The following NRXN3 variants were observed in gnomAD, a reference collection of about 807,000 sequenced individuals.
The protein encoded by NRXN3 is neurexin 3.
NRXN3 carries 32 observed loss-of-function variants against 137.6 expected under a neutral mutation model. The ratio of observed to expected loss-of-function variants is 0.23; its 90% CI spans 0.18 to 0.31. The LOEUF (loss-of-function observed/expected upper bound fraction) is 0.31. Ranked by LOEUF, NRXN3 falls within the 10% of genes least tolerant of loss-of-function variation. The pLI is 1.00. For missense variants in NRXN3, 1,574 were observed against 2,062.5 expected (o/e 0.76, Z 4.59); for synonymous variants, 798 against 784.5 (o/e 1.02, Z -0.29).
chr14:79,351,473 C>T (rs947998446), intron 15 of NRXN3, among the ~76,000 whole-genome samples: 1 of 152,138 alleles, frequency 6.6e-6, no homozygotes, highest in Non-Finnish European at 1.5e-5. Context: ...ATACTTGGCC[C>T]TTTATTGAAC....
intron 4 of NRXN3, among the ~76,000 whole-genome samples, chr14:78,611,576 C>T (rs533977105): frequency 6.8e-4 from 103 of 152,288 alleles, no homozygotes; most frequent in Non-Finnish European, 9.4e-4. Context: ...CCTATGAAGA[C>T]AGGTAGGGCC....
At chr14:78,475,022 C>T (rs1402381355) in intron 4 of NRXN3, among the ~76,000 whole-genome samples, 3 of 152,130 alleles carry the variant, frequency 2.0e-5, no homozygotes, top group Non-Finnish European at 2.9e-5. Context: ...CTTTGATATA[C>T]ACTGTTGTAG....
intron 4 of NRXN3, among the ~76,000 whole-genome samples, chr14:78,454,048 A>C (rs2094618647): frequency 6.6e-6 from 1 of 152,218 alleles, no homozygotes; most frequent in African/African-American, 2.4e-5. Context: ...AAGATAATTA[A>C]GAGCTTATGT....
chr14:79,029,888 C>T (rs2099604581), intron 15 of NRXN3, among the ~76,000 whole-genome samples: 1 of 151,720 alleles, frequency 6.6e-6, no homozygotes, highest in South Asian at 2.1e-4. Flanking sequence ...TTTTTTTCAC[C>T]CAGGCCTGAG....
chr14:79,565,856 C>T (rs879711354), intron 16 of NRXN3, among the ~76,000 whole-genome samples: 4 of 151,956 alleles, frequency 2.6e-5, no homozygotes, highest in African/African-American at 9.7e-5. Context: ...AAAATATCAG[C>T]GTGAATTACT....
chr14:79,761,879 T>A (rs1175142453), intron 19 of NRXN3, among the ~76,000 whole-genome samples: 1 of 151,600 alleles, frequency 6.6e-6, no homozygotes, highest in Non-Finnish European at 1.5e-5. Context: ...GAAGAGGATG[T>A]CTTATCTATC....
At chr14:79,043,827 T>A (rs924028055) in intron 15 of NRXN3, among the ~76,000 whole-genome samples, 2 of 152,168 alleles carry the variant, frequency 1.3e-5, no homozygotes, top group Non-Finnish European at 2.9e-5. Flanking sequence ...TGAGAGAAAT[T>A]CAAAGCTACC....
intron 4 of NRXN3, among the ~76,000 whole-genome samples, chr14:78,302,917 A>G (rs1298996858): frequency 6.6e-6 from 1 of 152,072 alleles, no homozygotes; most frequent in South Asian, 2.1e-4. Flanking sequence ...CACTTACTCA[A>G]TTATTGCCCT....
At chr14:79,397,261 C>G (rs374795712) in intron 15 of NRXN3, among the ~76,000 whole-genome samples, 1 of 152,140 alleles carries the variant, frequency 6.6e-6, no homozygotes, top group African/African-American at 2.4e-5. Flanking sequence ...CCATTTCCTC[C>G]TTTATACCAC....
intron 10 of NRXN3, among the ~76,000 whole-genome samples, chr14:78,811,199 A>G (rs1485610580): frequency 6.6e-6 from 1 of 152,236 alleles, no homozygotes; most frequent in Non-Finnish European, 1.5e-5. Flanking sequence ...TCCCAACATT[A>G]TAATGGCTCA....
intron 1 of NRXN3, among the ~76,000 whole-genome samples, chr14:78,223,104 C>A (rs2064051072): frequency 6.6e-6 from 1 of 152,210 alleles, no homozygotes; most frequent in Non-Finnish European, 1.5e-5. Context: ...CAGAGGGTTG[C>A]ATGACTTCAC....
intron 10 of NRXN3, among the ~76,000 whole-genome samples, chr14:78,859,596 C>CAG (rs1466289571): frequency 9.2e-5 from 14 of 152,224 alleles, no homozygotes; most frequent in African/African-American, 2.6e-4. Context: ...TAGCAATTCC[C>CAG]TGTTTGCCAC....
chr14:79,613,304 A>G, intron 16 of NRXN3, among the ~76,000 whole-genome samples: 1 of 152,230 alleles, frequency 6.6e-6, no homozygotes, highest in East Asian at 1.9e-4. Context: ...TTATGCCACT[A>G]TTTTATGTTA....
At chr14:79,115,922 TG>T (rs1216315574) in intron 15 of NRXN3, among the ~76,000 whole-genome samples, 1 of 152,182 alleles carries the variant, frequency 6.6e-6, no homozygotes, top group Non-Finnish European at 1.5e-5. Context: ...TGCCATCTTA[TG>T]TATACTAAGC....
intron 3 of NRXN3, among the ~76,000 whole-genome samples, chr14:78,294,550 C>A (rs796783646): frequency 1.1e-5 from 1 of 89,146 alleles, no homozygotes; most frequent in Non-Finnish European, 2.0e-5. Context: ...AGTGAGATTC[C>A]GTCTCAAAAA....
intron 1 of NRXN3, among the ~76,000 whole-genome samples, chr14:78,203,132 A>T (rs1267746336): frequency 6.6e-6 from 1 of 152,090 alleles, no homozygotes; most frequent in African/African-American, 2.4e-5. Context: ...GTCCATAGAG[A>T]GGGCTTTCCC....
chr14:78,395,875 A>T (rs1225667213), intron 4 of NRXN3, among the ~76,000 whole-genome samples: 1 of 151,262 alleles, frequency 6.6e-6, no homozygotes, highest in Non-Finnish European at 1.5e-5. Flanking sequence ...TGTCTGTATC[A>T]CTCTATTAGA....
chr14:79,414,672 TATCCATC>T (rs778247532), intron 15 of NRXN3, among the ~76,000 whole-genome samples: 20 of 152,140 alleles, frequency 1.3e-4, no homozygotes, highest in Non-Finnish European at 1.9e-4. Flanking sequence ...CTAATTAACA[TATCCATC>T]ACCTCACATA....
chr14:79,041,082 C>T (rs1166282293), intron 15 of NRXN3, among the ~76,000 whole-genome samples: 2 of 152,132 alleles, frequency 1.3e-5, no homozygotes, highest in Non-Finnish European at 2.9e-5. Context: ...AATGATGTAA[C>T]AGTAAAAATA....
Sources: allele counts gnomAD v4.1 joint callset (sites outside exome capture counted in the v4.1 genomes callset), GRCh38; gene constraint gnomAD v4.1.1; transcripts MANE v1.5; gene names NCBI Gene and HGNC (gene_info 2026-07-23, HGNC 2026-07-21).